DCDC2C: variants seen among roughly 807,000 people sequenced by gnomAD.
The protein encoded by DCDC2C is doublecortin domain-containing protein 2C.
DCDC2C carries 44 observed loss-of-function variants against 45.0 expected under a neutral mutation model. The observed-to-expected ratio is 0.98, with a 90% CI of 0.77 to 1.26. The LOEUF is 1.26. Ranked by LOEUF, DCDC2C falls within the 50% of genes most tolerant of loss-of-function variation. The pLI, the probability that DCDC2C is intolerant of heterozygous loss-of-function variation, is 0.00. For missense variants in DCDC2C, 447 were observed against 468.9 expected, an observed-to-expected ratio of 0.95 and a Z score of 0.43; for synonymous variants, 187 against 178.8, an observed-to-expected ratio of 1.05 and a Z score of -0.37.
At chr2:3,840,030 T>C (rs1672176126) in intron 10 of DCDC2C, among the ~76,000 whole-genome samples, 1 of 152,252 alleles carries the variant, frequency 6.6e-6, no homozygotes, top group Admixed American at 6.5e-5. Flanking sequence ...GGAGAAGATG[T>C]TCAATGGGGC....
chr2:3,775,069 G>GTT lies in DCDC2C; in HGVS notation c.955-3735_955-3734dup, dbSNP rs541405228. ...CATGAGCCAGTGCGCCTGGCTGGAT[G>GTT]TTTTTTTTTTTTTGGGTGAGGAACA... On this transcript the variant is annotated intron_variant, in intron 8 of 10. Transcript: ENST00000399143. 5.8e-3 allele frequency among the ~76,000 whole-genome samples: 737 copies of GTT among 126,606 alleles called. 23 individuals are homozygous for GTT. The highest frequency in any genetic ancestry group is 0.02 in the African/African-American group (671 of 34,214). The allele number at this position is 126,606 out of a possible 152,430, so 83.1% of individuals were successfully genotyped here.
At chr2:3,802,971 C>T (rs17018081) in intron 10 of DCDC2C, among the ~76,000 whole-genome samples, 29,012 of 152,108 alleles carry the variant, frequency 0.19, 2,897 homozygotes, top group East Asian at 0.24. Context: ...GCCTTTCCAG[C>T]ATATGTACCT....
At chr2:3,778,940 G>A in intron 9 of DCDC2C, 56 bp downstream of exon 9, 1 of 1,482,944 alleles carries the variant, frequency 6.7e-7, no homozygotes, top group Non-Finnish European at 9.2e-7. Flanking sequence ...CTGACACTTT[G>A]AACAGAGCTC....
chr2:3,839,488 A>G lies in DCDC2C; in HGVS notation c.1066-7666A>G, dbSNP rs573359022. On this transcript the variant is annotated intron_variant, in intron 10 of 10. Transcript: ENST00000399143. ...AATCACATAATACTTTAAAATGTAC[A>G]ATTGAGGAAATTCTTTGTGGAGAAA... 3.0e-4 allele frequency among the ~76,000 whole-genome samples: 45 copies of G among 152,326 alleles called. 1 individual carries two copies. Among genetic ancestry groups the G allele is most frequent in the African/African-American group, 1.0e-3 (42 of 41,568 alleles).
chr2:3,729,520 G>A (rs1375930178), intron 3 of DCDC2C, among the ~76,000 whole-genome samples: 1 of 152,218 alleles, frequency 6.6e-6, no homozygotes, highest in African/African-American at 2.4e-5. Flanking sequence ...TGGGGCCTCA[G>A]GAGAATCAGA....
chr2:3,729,055 A>T lies in DCDC2C; in HGVS notation c.416+1976A>T, dbSNP rs1668782959. 2.0e-5 allele frequency among the ~76,000 whole-genome samples: 3 copies of T among 152,198 alleles called. No homozygotes were observed. In the South Asian group the frequency reaches 6.2e-4, roughly 32 times the overall value. On this transcript the variant is annotated intron_variant, in intron 3 of 10. Transcript: ENST00000399143. ...GATGTCCCTTGTCACTTAGGAAGGG[A>T]TTCACTCACTCATTCCACTTATACT...
chr2:3,800,800 G>A (rs1381978206), intron 10 of DCDC2C, among the ~76,000 whole-genome samples: 2 of 124,434 alleles, frequency 1.6e-5, no homozygotes, highest in African/African-American at 5.1e-5. Context: ...CTGCAAGTGT[G>A]TTGAAGTGAG....
At chr2:3,806,545 CTT>C (rs34504660) in intron 10 of DCDC2C, among the ~76,000 whole-genome samples, 28,120 of 143,238 alleles carry the variant, frequency 0.2, 2,741 homozygotes, top group East Asian at 0.25. Flanking sequence ...CTTTGAGTGT[CTT>C]TTTTTTTTTT....
chr2:3,714,767 G>T (rs1435501014), intron 2 of DCDC2C, among the ~76,000 whole-genome samples: 4 of 152,218 alleles, frequency 2.6e-5, no homozygotes, highest in African/African-American at 9.6e-5. Context: ...ACTTTGTCCA[G>T]GTGACTCAAG....
chr2:3,773,452 G>T (rs1040342912), intron 8 of DCDC2C, among the ~76,000 whole-genome samples: 1 of 152,092 alleles, frequency 6.6e-6, no homozygotes, highest in Non-Finnish European at 1.5e-5. Flanking sequence ...CCTGCTGCCC[G>T]ATAAGCTTTC....
intron 8 of DCDC2C, among the ~76,000 whole-genome samples, chr2:3,773,356 A>G (rs1484764491): frequency 3.3e-5 from 5 of 152,106 alleles, no homozygotes; most frequent in African/African-American, 1.2e-4. Context: ...ATAGCAGATA[A>G]TGTATCCCCT....
At chr2:3,743,716 A>G (rs1380864533) in intron 4 of DCDC2C, among the ~76,000 whole-genome samples, 2 of 152,252 alleles carry the variant, frequency 1.3e-5, no homozygotes, top group African/African-American at 4.8e-5. Context: ...ATGGAAATAA[A>G]TACTAGAATT....
At chr2:3,733,178 T>G (rs937473488) in intron 3 of DCDC2C, among the ~76,000 whole-genome samples, 3 of 152,164 alleles carry the variant, frequency 2.0e-5, no homozygotes, top group African/African-American at 7.2e-5. Flanking sequence ...CTCTGGTAAT[T>G]GGATAAAGTG....
chr2:3,809,970 C>T (rs1250287842), intron 10 of DCDC2C, among the ~76,000 whole-genome samples: 2 of 152,214 alleles, frequency 1.3e-5, no homozygotes, highest in African/African-American at 4.8e-5. Flanking sequence ...ATATGTACCA[C>T]ATTTTCTTTA....
chr2:3,758,999 A>G (rs1335862358), intron 6 of DCDC2C, among the ~76,000 whole-genome samples: 1 of 152,228 alleles, frequency 6.6e-6, no homozygotes, highest in Non-Finnish European at 1.5e-5. Context: ...CTGTGTGGCC[A>G]GCAAGCAACC....
rs1263708273 is a variant in DCDC2C, at chr2:3,703,812, T to G, written c.61T>G (p.Tyr21Asp). ...DTTPAKTIVVYRNGDPFYVGK... is the reference protein window; with the variant it reads ...DTTPAKTIVVDRNGDPFYVGK... ...CACGCCCGCCAAGACCATCGTGGTG[T>G]ACCGCAACGGGGACCCGTTCTACGT... The change falls in exon 1 of 11, where the codon TAC becomes GAC. Residue 21 changes from tyrosine (Y) to aspartate (D), a missense_variant. Tyr to Asp is a radical substitution (Grantham distance 160). Coordinates refer to ENST00000399143, the MANE Select transcript of DCDC2C (RefSeq NM_001287444.2). This position sits in a 1 kb window ranked among gnomAD's most constrained non-coding sequence, Gnocchi z 4.4. The G allele has an allele frequency of 9.5e-5, 120 of 1,258,768 alleles. No homozygotes were observed. Among genetic ancestry groups the G allele is most frequent in the Non-Finnish European group, 1.2e-4 (119 of 998,174 alleles). The allele number at this position is 1,258,768 out of a possible 1,614,324, so 78.0% of individuals were successfully genotyped here.
At chr2:3,803,757 C>A (rs1205044289) in intron 10 of DCDC2C, among the ~76,000 whole-genome samples, 1 of 152,228 alleles carries the variant, frequency 6.6e-6, no homozygotes, top group South Asian at 2.1e-4. Flanking sequence ...TCACTGCACA[C>A]CTGTTTCCAG....
chr2:3,765,151 A>G (rs1032537923), intron 6 of DCDC2C, among the ~76,000 whole-genome samples: 2 of 152,190 alleles, frequency 1.3e-5, no homozygotes, highest in African/African-American at 4.8e-5. Context: ...TGTGTCTATC[A>G]ATGCCCTGCA....
intron 10 of DCDC2C, among the ~76,000 whole-genome samples, chr2:3,842,248 G>A (rs937887305): frequency 2.6e-5 from 4 of 152,120 alleles, no homozygotes; most frequent in Non-Finnish European, 4.4e-5. Flanking sequence ...AGAAAGTCTC[G>A]TAAGAGAGAT....
Sources: allele counts gnomAD v4.1 joint callset (sites outside exome capture counted in the v4.1 genomes callset), GRCh38; gene constraint gnomAD v4.1.1; non-coding constraint Gnocchi (gnomAD v3.1); transcripts MANE v1.5; gene names NCBI Gene and HGNC (gene_info 2026-07-23, HGNC 2026-07-21).